The following CRISP2 variants were observed in gnomAD, a reference collection of about 807,000 sequenced individuals.
CRISP2 encodes the protein cysteine-rich secretory protein 2.
A neutral mutation model predicts 31.7 loss-of-function variants in CRISP2; 29 were observed. The observed-to-expected ratio is 0.92, with a 90% confidence interval of 0.68 to 1.25. The LOEUF (loss-of-function observed/expected upper bound fraction) is 1.25. Among genes scored for constraint, CRISP2 ranks in the 50% most tolerant of loss-of-function variants. The pLI, the probability that CRISP2 is intolerant of heterozygous loss-of-function variation, is 0.00. For synonymous variants in CRISP2, 111 were observed against 101.4 expected (o/e 1.09, Z -0.57); for missense variants, 318 against 286.5 (o/e 1.11, Z -0.79).
At chr6:49,701,653 CATTATATA>C (rs1430823590) in intron 4 of CRISP2, among the ~76,000 whole-genome samples, 5 of 120,544 alleles carry the variant, frequency 4.1e-5, no homozygotes, top group Non-Finnish European at 8.3e-5. Context: ...TATATGTATA[CATTATATA>C]TGTATACATT....
chr6:49,710,813 C>A lies in CRISP2; in HGVS notation c.-10+472G>T, dbSNP rs962771552. On this transcript the variant is annotated intron_variant, in intron 3 of 9. Coordinates refer to ENST00000339139, the MANE Select transcript of CRISP2 (RefSeq NM_003296.4). ...AATTAACTTGAGGTCATTCTCAATA[C>A]AAATTTATTAAAGTTTTGAAAATCA... Among the ~76,000 whole-genome samples, 18 of 152,004 alleles carry A rather than the reference C, an allele frequency of 1.2e-4. 1 individual carries two copies. Among genetic ancestry groups the A allele is most frequent in the South Asian group, 4.1e-4 (2 of 4,822 alleles).
chr6:49,697,053 A>T (rs1461982231), intron 8 of CRISP2, among the ~76,000 whole-genome samples: 1 of 152,098 alleles, frequency 6.6e-6, no homozygotes, highest in Non-Finnish European at 1.5e-5. Flanking sequence ...TACTTCTCAA[A>T]CTGGAATCGT....
At chr6:49,691,904 T>G (rs1345399357), downstream of CRISP2, among the ~76,000 whole-genome samples, 1 of 152,184 alleles carries the variant, frequency 6.6e-6, no homozygotes, top group East Asian at 1.9e-4. Context: ...CCAGATCTAC[T>G]TTCTGGTTTT....
chr6:49,690,763 TTAAA>T (rs1764024343), downstream of CRISP2, among the ~76,000 whole-genome samples: 1 of 152,022 alleles, frequency 6.6e-6, no homozygotes, highest in Non-Finnish European at 1.5e-5. Flanking sequence ...TTTTGAAAAA[TTAAA>T]TAACTATACA....
the CRISP2 span, among the ~76,000 whole-genome samples, chr6:49,682,929 AG>A: frequency 6.6e-6 from 1 of 151,158 alleles, no homozygotes; most frequent in Non-Finnish European, 1.5e-5. Flanking sequence ...GAGGCCGAAA[AG>A]GGGGGATCAC....
intron 9 of CRISP2, among the ~76,000 whole-genome samples, chr6:49,693,378 A>T (rs1483370773): frequency 6.6e-6 from 1 of 152,160 alleles, no homozygotes; most frequent in African/African-American, 2.4e-5. Context: ...GCACATGTTG[A>T]TAGAGACTCT....
the CRISP2 span, among the ~76,000 whole-genome samples, chr6:49,687,180 T>G: frequency 3.9e-5 from 6 of 152,184 alleles, no homozygotes; most frequent in African/African-American, 1.4e-4. Context: ...TGTGCACATG[T>G]GCCTAAAAAA....
intron 2 of CRISP2, among the ~76,000 whole-genome samples, 173 bp downstream of exon 2, chr6:49,712,328 C>A (rs1768166563): frequency 6.6e-6 from 1 of 152,212 alleles, no homozygotes; most frequent in Admixed American, 6.5e-5. Context: ...TAACCTCAAC[C>A]ATCTAACCTA....
chr6:49,710,154 C>T (rs1767755831), intron 3 of CRISP2, among the ~76,000 whole-genome samples: 1 of 152,184 alleles, frequency 6.6e-6, no homozygotes, highest in Admixed American at 6.5e-5. Context: ...GCTTCTCAGG[C>T]TTCACTTACT....
At chr6:49,708,070 T>C (rs1463879425) in intron 4 of CRISP2, among the ~76,000 whole-genome samples, 2 of 152,088 alleles carry the variant, frequency 1.3e-5, no homozygotes, top group African/African-American at 4.8e-5. Flanking sequence ...AAATTAAATG[T>C]GTTAATATAG....
chr6:49,702,152 T>TGTGTAC lies in CRISP2; in HGVS notation c.67-1369_67-1368insGTACAC, dbSNP rs1252709952. Among the ~76,000 whole-genome samples, 116 of 51,692 alleles carry TGTGTAC rather than the reference T, an allele frequency of 2.2e-3. 1 individual carries two copies. Among genetic ancestry groups the TGTGTAC allele is most frequent in the African/African-American group, 0.01 (109 of 10,630 alleles). 33.9% of individuals were successfully genotyped at this position (51,692 alleles called of 152,430 possible). A position where few individuals can be genotyped will look rare whatever the true frequency, so the allele number is the denominator to read the frequency against. Reference sequence around the variant, plus strand: ...TATATATGTGTACTATATATATATATATATATATATATATATATATATATA... The same window carrying TGTGTAC: ...TATATATGTGTACTATATATATATATGTGTACATATATATATATATATATATATATA... On this transcript the variant is annotated intron_variant, in intron 4 of 9. Transcript: ENST00000339139.
At chr6:49,680,683 T>A in the CRISP2 span, among the ~76,000 whole-genome samples, 1 of 152,222 alleles carries the variant, frequency 6.6e-6, no homozygotes, top group Admixed American at 6.5e-5. Context: ...GACTTTTTAA[T>A]AACAGCTATT....
chr6:49,693,564 TC>T (rs1346185282), intron 9 of CRISP2, among the ~76,000 whole-genome samples: 1 of 152,154 alleles, frequency 6.6e-6, no homozygotes, highest in African/African-American at 2.4e-5. Flanking sequence ...CAAATTAAAC[TC>T]CTTGTATTAG....
Position 49,704,896 on chromosome 6 carries a change from G to A in CRISP2, c.67-4112C>T, listed in dbSNP as rs77696750. ...GTTAGCCAGGATGTTACAGGCAGTG[G>A]AATTAACTGCTGTTTTGTCTTTCCT... On this transcript the variant is annotated intron_variant, in intron 4 of 9. Transcript: ENST00000339139. Among the ~76,000 whole-genome samples, 998 of 152,294 alleles carry A rather than the reference G, an allele frequency of 6.6e-3. 6 individuals carry two copies. Among genetic ancestry groups the A allele is most frequent in the Middle Eastern group, 0.014 (4 of 294 alleles).
At position 49,704,355 on chromosome 6, in the gene CRISP2, A is replaced by G. The variant is rs146641334; in HGVS notation, c.67-3571T>C. Among the ~76,000 whole-genome samples the G allele has an allele frequency of 1.1e-3, 160 of 152,120 alleles. 4 individuals are homozygous for G. The East Asian group carries it at 0.03, about 28-fold the overall frequency. ...AACCTTCTGAATTCTTTTTCCAGCA[A>G]TTCAGAGATTTCTTCTTGGTTTCAA... On this transcript the variant is annotated intron_variant, in intron 4 of 9. Coordinates refer to ENST00000339139, the MANE Select transcript of CRISP2 (RefSeq NM_003296.4).
At chr6:49,684,621 C>A in the CRISP2 span, among the ~76,000 whole-genome samples, 2 of 152,132 alleles carry the variant, frequency 1.3e-5, no homozygotes, top group African/African-American at 4.8e-5. Flanking sequence ...TCTTGAATAT[C>A]TTACATACTT....
chr6:49,700,654 G>C lies in CRISP2; in HGVS notation c.183+14C>G. 1 of 1,511,608 alleles carries C rather than the reference G, an allele frequency of 6.6e-7. No individual in the cohort carries two copies. The highest frequency in any genetic ancestry group is 2.3e-5 in the East Asian group (1 of 44,350). 93.6% of individuals were successfully genotyped at this position (1,511,608 alleles called of 1,614,324 possible). A position where few individuals can be genotyped will look rare whatever the true frequency, so the allele number is the denominator to read the frequency against. On this transcript the variant is annotated intron_variant, in intron 5 of 9. Transcript: ENST00000339139. ...GCTGATTCACACCCATCTCCTTACAGCACTGCCTCTTACCATCTTTAGCAT... is the reference window on the plus strand; with the variant it reads ...GCTGATTCACACCCATCTCCTTACACCACTGCCTCTTACCATCTTTAGCAT...
At position 49,702,599 on chromosome 6, in the gene CRISP2, C is replaced by G. The variant is rs1766288778; in HGVS notation, c.67-1815G>C. The stretch of plus-strand genomic sequence containing the variant: ...TTTCGTATGTTGGTCAGCCATTTTT[C>G]TATTTTATTTTGAGAATTGTCTACT... On this transcript the variant is annotated intron_variant, in intron 4 of 9. Coordinates refer to ENST00000339139, the MANE Select transcript of CRISP2 (RefSeq NM_003296.4). Among the ~76,000 whole-genome samples, 4 of 151,880 alleles carry G rather than the reference C, an allele frequency of 2.6e-5. No individual in the cohort carries two copies. In the East Asian group the frequency reaches 7.7e-4, roughly 29 times the overall value.
intron 3 of CRISP2, 69 bp from the exon 4 acceptor site, chr6:49,709,274 C>A: frequency 7.9e-7 from 1 of 1,270,602 alleles, no homozygotes; most frequent in Non-Finnish European, 1.1e-6. Context: ...GGGGGAATAC[C>A]AATATAATGA....
Sources: allele counts gnomAD v4.1 joint callset (sites outside exome capture counted in the v4.1 genomes callset), GRCh38; gene constraint gnomAD v4.1.1; transcripts MANE v1.5; gene names NCBI Gene and HGNC (gene_info 2026-07-23, HGNC 2026-07-21).